The following GRIA1 variants were observed in gnomAD, a reference collection of about 807,000 sequenced individuals.
GRIA1 encodes glutamate ionotropic receptor AMPA type subunit 1.
GRIA1 carries 31 observed loss-of-function variants against 99.2 expected under a neutral mutation model. The ratio of observed to expected loss-of-function variants is 0.31; its 90% confidence interval spans 0.23 to 0.42. The LOEUF (loss-of-function observed/expected upper bound fraction) is 0.42, where lower values mean the gene tolerates loss of function less well. Ranked by LOEUF, GRIA1 falls within the 10% of genes least tolerant of loss-of-function variation. The pLI is 1.00. For synonymous variants in GRIA1, 438 were observed against 432.4 expected, an observed-to-expected ratio of 1.01 and a Z score of -0.16; for missense variants, 782 against 1,157.5, an observed-to-expected ratio of 0.68 and a Z score of 4.71.
At position 153,686,185 on chromosome 5, in the gene GRIA1, C is replaced by T. The variant is rs549412016; in HGVS notation, c.1030-40C>T. ...GGAAAAAGCAAACACACATAAAGTACATCTGAGTTCACTGCCCACCACTTG... is the reference window on the plus strand; with the variant it reads ...GGAAAAAGCAAACACACATAAAGTATATCTGAGTTCACTGCCCACCACTTG... On this transcript the variant is annotated intron_variant, in intron 7 of 15. Coordinates refer to ENST00000285900, the MANE Select transcript of GRIA1 (RefSeq NM_000827.4). 32 of 1,389,796 alleles carry T rather than the reference C, an allele frequency of 2.3e-5. No homozygotes were observed. In the African/African-American group the frequency reaches 3.1e-4, roughly 14 times the overall value. The allele number at this position is 1,389,796 out of a possible 1,614,324, so 86.1% of individuals were successfully genotyped here. A position where few individuals can be genotyped will look rare whatever the true frequency, so the allele number is the denominator to read the frequency against.
intron 2 of GRIA1, among the ~76,000 whole-genome samples, chr5:153,498,736 A>G (rs1012931768): frequency 6.6e-6 from 1 of 152,182 alleles, no homozygotes; most frequent in East Asian, 1.9e-4. Flanking sequence ...GCATCTTTAA[A>G]AAAAAAACTT....
rs533438451 is a variant in GRIA1, at chr5:153,534,504, T to G, written c.220+40439T>G. Among the ~76,000 whole-genome samples the G allele has an allele frequency of 3.6e-4, 55 of 152,336 alleles. 1 individual carries two copies. The highest frequency in any genetic ancestry group is 3.4e-3 in the Middle Eastern group (1 of 294). On this transcript the variant is annotated intron_variant, in intron 2 of 15. Coordinates refer to ENST00000285900, the MANE Select transcript of GRIA1 (RefSeq NM_000827.4). ...TAATAGCAATTTGGAAAATCTTGCA[T>G]GTACAGTTTCATTTCATAAACCCCT...
At chr5:153,788,213 G>T (rs971375183) in intron 13 of GRIA1, among the ~76,000 whole-genome samples, 5 of 152,018 alleles carry the variant, frequency 3.3e-5, no homozygotes, top group Admixed American at 3.3e-4. Context: ...AAATCAGCTC[G>T]AATCTTTCCT....
intron 13 of GRIA1, among the ~76,000 whole-genome samples, chr5:153,778,651 C>CCACA (rs57534899): frequency 0.052 from 7,685 of 147,298 alleles, 288 homozygotes; most frequent in Non-Finnish European, 0.074. Context: ...TCACCCCCCA[C>CCACA]CACACACACA....
intron 11 of GRIA1, among the ~76,000 whole-genome samples, chr5:153,742,992 T>G (rs1378171447): frequency 6.6e-6 from 1 of 152,210 alleles, no homozygotes. Context: ...CCTTACTTTG[T>G]GGGTGAGGAA....
At chr5:153,572,388 C>G (rs534159566) in intron 2 of GRIA1, among the ~76,000 whole-genome samples, 13 of 152,220 alleles carry the variant, frequency 8.5e-5, no homozygotes, top group African/African-American at 2.9e-4. Flanking sequence ...GAGTGGCAAG[C>G]GGGAGGCACA....
At chr5:153,784,090 C>G (rs918586807) in intron 13 of GRIA1, among the ~76,000 whole-genome samples, 1 of 152,164 alleles carries the variant, frequency 6.6e-6, no homozygotes, top group Non-Finnish European at 1.5e-5. Flanking sequence ...CTCATTTACT[C>G]CCAACTCTAC....
Position 153,811,106 on chromosome 5 carries a change from A to C in GRIA1, c.2602A>C (p.Ser868Arg). Residue 868 changes from serine (S) to arginine (R), a missense_variant, in exon 16 of 16, where the codon AGC becomes CGC. Ser to Arg is a moderately radical substitution (Grantham distance 110). Coordinates refer to ENST00000285900, the MANE Select transcript of GRIA1 (RefSeq NM_000827.4). ...TLPRNSGAGA[S>R]SGGSGENGRV... ...CCCCCGCAACAGCGGGGCAGGAGCC[A>C]GCAGCGGCGGCAGTGGAGAGAATGG... 1 of 1,614,064 alleles carries C rather than the reference A, an allele frequency of 6.2e-7. No homozygotes were observed. Among genetic ancestry groups the C allele is most frequent in the South Asian group, 1.1e-5 (1 of 91,068 alleles).
chr5:153,629,903 A>G (rs572237985), intron 2 of GRIA1, among the ~76,000 whole-genome samples: 1 of 152,304 alleles, frequency 6.6e-6, no homozygotes, highest in East Asian at 1.9e-4. Context: ...TTTTCCCCAT[A>G]CTATACCACA....
chr5:153,626,448 G>GTGTC (rs1554105039), intron 2 of GRIA1, among the ~76,000 whole-genome samples: 3 of 63,588 alleles, frequency 4.7e-5, no homozygotes, highest in Non-Finnish European at 9.6e-5. Flanking sequence ...GTGTGTCTGT[G>GTGTC]TGTGTGTGTG....
intron 2 of GRIA1, among the ~76,000 whole-genome samples, chr5:153,612,991 C>T (rs887590848): frequency 1.5e-4 from 23 of 152,024 alleles, no homozygotes; most frequent in African/African-American, 5.3e-4. Flanking sequence ...TTGTGTGCTT[C>T]TTTTGACTGC....
At chr5:153,605,043 C>T (rs1019886522) in intron 2 of GRIA1, among the ~76,000 whole-genome samples, 1 of 151,990 alleles carries the variant, frequency 6.6e-6, no homozygotes, top group African/African-American at 2.4e-5. Context: ...AAAAATTAGC[C>T]AGGCCTGGTG....
chr5:153,714,345 T>C (rs10069739), intron 11 of GRIA1, among the ~76,000 whole-genome samples: 23,219 of 152,172 alleles, frequency 0.15, 2,259 homozygotes, highest in East Asian at 0.52. Context: ...ATCGTATTTA[T>C]ATATACATTT....
At chr5:153,661,298 G>A (rs1755353099) in intron 5 of GRIA1, among the ~76,000 whole-genome samples, 1 of 152,116 alleles carries the variant, frequency 6.6e-6, no homozygotes, top group African/African-American at 2.4e-5. Context: ...TTTGAATTCT[G>A]ACTTTTATAC....
At chr5:153,640,354 T>C (rs949974861) in intron 2 of GRIA1, among the ~76,000 whole-genome samples, 2 of 152,170 alleles carry the variant, frequency 1.3e-5, no homozygotes, top group African/African-American at 4.8e-5. Flanking sequence ...CTCAAATGAA[T>C]CCAAAACCAA....
At chr5:153,696,855 G>GGTGTGTGTGTGTGTGT (rs1218399677) in intron 8 of GRIA1, among the ~76,000 whole-genome samples, 5 of 111,292 alleles carry the variant, frequency 4.5e-5, no homozygotes, top group Non-Finnish European at 9.0e-5. Flanking sequence ...ATAGCTTTAG[G>GGTGTGTGTGTGTGTGT]GTGTGTATGT....
At chr5:153,731,085 C>T (rs940651124) in intron 11 of GRIA1, among the ~76,000 whole-genome samples, 4 of 152,174 alleles carry the variant, frequency 2.6e-5, no homozygotes, top group South Asian at 2.1e-4. Flanking sequence ...CCTTTAACCA[C>T]CTTGATCAGA....
intron 15 of GRIA1, among the ~76,000 whole-genome samples, chr5:153,802,969 G>C (rs902762368): frequency 6.6e-6 from 1 of 152,170 alleles, no homozygotes; most frequent in South Asian, 2.1e-4. Context: ...GCAGAGAAAG[G>C]TAAGCAGATT....
intron 11 of GRIA1, among the ~76,000 whole-genome samples, chr5:153,754,305 G>C (rs1762681137): frequency 6.6e-6 from 1 of 152,152 alleles, no homozygotes; most frequent in African/African-American, 2.4e-5. Context: ...ATGAAGCATT[G>C]GGATTAAGTC....
Sources: allele counts gnomAD v4.1 joint callset (sites outside exome capture counted in the v4.1 genomes callset), GRCh38; gene constraint gnomAD v4.1.1; transcripts MANE v1.5; gene names NCBI Gene and HGNC (gene_info 2026-07-23, HGNC 2026-07-21).